Variants in C5 observed in about 807,000 individuals in gnomAD.
C5 encodes the protein complement C5.
C5 carries 140 observed loss-of-function variants against 218.8 expected under a neutral mutation model. The observed-to-expected ratio is 0.64, with a 90% CI of 0.56 to 0.74. The LOEUF (loss-of-function observed/expected upper bound fraction) is 0.74. C5 is among the 30% of genes least tolerant of loss of function. The pLI is 0.00. For missense variants in C5, 1,700 were observed against 1,969.6 expected (o/e 0.86, Z 2.59); for synonymous variants, 614 against 682.3 (o/e 0.90, Z 1.56).
intron 4 of C5, 38 bp from the exon 5 acceptor site, chr9:121,034,932 T>C: frequency 9.6e-7 from 1 of 1,042,046 alleles, no homozygotes; most frequent in Non-Finnish European, 1.5e-6. Flanking sequence ...GGCCAGAAAC[T>C]ACATTTTAAA....
rs748850499 is a variant in C5 at position 120,997,727 on chromosome 9, G to C, written c.2610C>G (p.Ser870Arg). 1.2e-6 allele frequency: 2 copies of C among 1,613,982 alleles called. No homozygotes were observed. Among genetic ancestry groups the C allele is most frequent in the Non-Finnish European group, 1.7e-6 (2 of 1,180,030 alleles). ...TTGTGCCCTGATGATCAATGACTGG[G>C]CTTTCCGAAGTGCAGATTCCCTCCA... ...SAVEGICTSE[S>R]PVIDHQGTKS... is the part of the protein sequence containing the mutation. The change falls in exon 21 of 41, where the codon AGC becomes AGG. Residue 870 changes from serine to arginine, a missense_variant. Coordinates refer to ENST00000223642, the MANE Select transcript of C5 (RefSeq NM_001735.3).
chr9:121,052,412 A>G (rs2131833221), upstream of C5, among the ~76,000 whole-genome samples: 1 of 148,152 alleles, frequency 6.7e-6, no homozygotes. Flanking sequence ...AGATCACGCC[A>G]CCGCACTCCA....
chr9:121,054,081 T>C (rs1202970737), upstream of C5, among the ~76,000 whole-genome samples: 2 of 152,104 alleles, frequency 1.3e-5, no homozygotes, highest in Admixed American at 6.6e-5. Flanking sequence ...ATCTTAAAAA[T>C]TGAATTCCTG....
chr9:121,029,835 T>C (rs751425017), intron 7 of C5, among the ~76,000 whole-genome samples: 3 of 152,180 alleles, frequency 2.0e-5, no homozygotes, highest in Admixed American at 6.6e-5. Context: ...GCCTGCTGGA[T>C]GATGAGAGGC....
In C5 at chr9:121,045,367, T is replaced by C. The variant is rs540818202; in HGVS notation, c.258+824A>G. On this transcript the variant is annotated intron_variant, in intron 2 of 40. Transcript: ENST00000223642. Reference sequence around the variant, plus strand: ...TTTTTGATACAAAGATACTTAAATATATACAAACTTAAAACGGTACAATCT... The same window carrying C: ...TTTTTGATACAAAGATACTTAAATACATACAAACTTAAAACGGTACAATCT... Among the ~76,000 whole-genome samples, 4 of 152,280 alleles carry C rather than the reference T, an allele frequency of 2.6e-5. No individual in the cohort carries two copies. The East Asian group carries it at 7.7e-4, about 29-fold the overall frequency.
chr9:121,017,951 G>A, intron 12 of C5, 99 bp from the exon 13 acceptor site: 1 of 795,194 alleles, frequency 1.3e-6, no homozygotes, highest in East Asian at 2.6e-5. Context: ...CAGAAATTAT[G>A]TTAAAGAAAA....
At chr9:121,012,218 G>C (rs551370101) in intron 17 of C5, among the ~76,000 whole-genome samples, 1 of 151,390 alleles carries the variant, frequency 6.6e-6, no homozygotes, top group African/African-American at 2.4e-5. Context: ...AAAGTATCTC[G>C]TGTACCCCGT....
At chr9:121,008,191 C>G (rs2131742363) in intron 18 of C5, among the ~76,000 whole-genome samples, 1 of 152,152 alleles carries the variant, frequency 6.6e-6, no homozygotes, top group Middle Eastern at 3.4e-3. Flanking sequence ...GAATAGCACC[C>G]TTCTTCATTC....
upstream of C5, among the ~76,000 whole-genome samples, chr9:121,053,302 G>A (rs184503097): frequency 4.6e-5 from 7 of 152,298 alleles, no homozygotes; most frequent in Admixed American, 2.0e-4. Flanking sequence ...GCTCAAGCCC[G>A]CAGTCTCACG....
Position 120,969,079 on chromosome 9 carries a change from C to T in C5, c.4202G>A (p.Arg1401His), listed in dbSNP as rs62578420. The change falls in exon 33 of 41, where the codon CGC (arginine) becomes CAC (histidine). Residue 1401 changes from arginine to histidine, a missense_variant. Coordinates refer to ENST00000223642, the MANE Select transcript of C5 (RefSeq NM_001735.3). ...GGCTCACCTGGCACATGCTACTATG[C>T]GTTTGTAATCAGAGTTTCCGTAGCC... ...YRGYGNSDYK[R>H]IVACASYKPS... 21 of 1,613,746 alleles carry T rather than the reference C, an allele frequency of 1.3e-5. No individual in the cohort carries two copies. The highest frequency in any genetic ancestry group is 6.7e-5 in the African/African-American group (5 of 74,900).
At chr9:120,996,652 C>T (rs1461600107) in intron 21 of C5, among the ~76,000 whole-genome samples, 1 of 152,232 alleles carries the variant, frequency 6.6e-6, no homozygotes, top group Non-Finnish European at 1.5e-5. Flanking sequence ...GTAACACTGT[C>T]ACACTGCTAG....
At chr9:121,050,079 G>A in intron 1 of C5, 103 bp downstream of exon 1, 1 of 950,456 alleles carries the variant, frequency 1.1e-6, no homozygotes, top group Non-Finnish European at 1.7e-6. Context: ...GCTGTTCTCA[G>A]AAGTAGCAAG....
chr9:121,046,837 C>T (rs1270857531), intron 1 of C5, among the ~76,000 whole-genome samples: 1 of 152,122 alleles, frequency 6.6e-6, no homozygotes, highest in African/African-American at 2.4e-5. Context: ...CCTTCTTTAC[C>T]AGGCTCTGGT....
chr9:121,074,784 C>T, the C5 span: 1 of 454,660 alleles, frequency 2.2e-6, no homozygotes. Context: ...GAAGGCACCG[C>T]ATCCCGTCGG....
intron 22 of C5, among the ~76,000 whole-genome samples, chr9:120,992,310 A>G (rs887311630): frequency 6.6e-6 from 1 of 152,266 alleles, no homozygotes; most frequent in Non-Finnish European, 1.5e-5. Context: ...AAGACATTTA[A>G]GAGGTTTGCA....
At chr9:120,984,802 G>A (rs550088879) in intron 25 of C5, among the ~76,000 whole-genome samples, 101 of 132,474 alleles carry the variant, frequency 7.6e-4, no homozygotes, top group African/African-American at 2.7e-3. Context: ...GCTCACTACA[G>A]CTTCCACCTC....
At chr9:121,053,141 A>G (rs1052443143), upstream of C5, among the ~76,000 whole-genome samples, 3 of 152,216 alleles carry the variant, frequency 2.0e-5, no homozygotes, top group African/African-American at 7.2e-5. Context: ...TCCAGAGGCC[A>G]GTGGAGAAAC....
At chr9:120,996,870 A>C (rs545110473) in intron 21 of C5, among the ~76,000 whole-genome samples, 1 of 152,188 alleles carries the variant, frequency 6.6e-6, no homozygotes, top group African/African-American at 2.4e-5. Flanking sequence ...CAAGAATCTT[A>C]GTCCTTTAAA....
At chr9:121,037,384 G>A (rs1383303826) in intron 4 of C5, among the ~76,000 whole-genome samples, 1 of 150,994 alleles carries the variant, frequency 6.6e-6, no homozygotes, top group Non-Finnish European at 1.5e-5. Flanking sequence ...CACAATCTCG[G>A]CTCACTGCAA....
Sources: gnomAD v4.1 joint callset for allele counts (sites outside exome capture counted in the v4.1 genomes callset) on GRCh38, gnomAD v4.1.1 for gene constraint, MANE v1.5 for transcripts, NCBI Gene and HGNC (gene_info 2026-07-23, HGNC 2026-07-21) for gene names.